Variants in THEMIS observed in about 807,000 individuals in gnomAD.
THEMIS encodes thymocyte selection associated.
In THEMIS, 37 loss-of-function variants were observed where a neutral mutation model predicts 52.6. The ratio of observed to expected loss-of-function variants is 0.70; its 90% confidence interval spans 0.54 to 0.93. The LOEUF is 0.93. Among genes scored for constraint, THEMIS ranks in the 40% least tolerant of loss-of-function variants. The pLI is 0.00. For synonymous variants in THEMIS, 292 were observed against 272.7 expected (o/e 1.07, Z -0.70); for missense variants, 808 against 763.1 (o/e 1.06, Z -0.69).
chr6:127,883,440 G>A (rs1002051657), intron 1 of THEMIS, among the ~76,000 whole-genome samples: 1 of 151,134 alleles, frequency 6.6e-6, no homozygotes, highest in African/African-American at 2.4e-5. Context: ...ATATATATGT[G>A]TATATATATA....
chr6:127,722,229 C>T (rs916160243), intron 4 of THEMIS, among the ~76,000 whole-genome samples: 6 of 151,954 alleles, frequency 3.9e-5, no homozygotes, highest in Non-Finnish European at 8.8e-5. Flanking sequence ...TTTTACATTA[C>T]ATATTATAGC....
intron 4 of THEMIS, among the ~76,000 whole-genome samples, chr6:127,734,427 A>G (rs1774915081): frequency 6.6e-6 from 1 of 152,206 alleles, no homozygotes; most frequent in Non-Finnish European, 1.5e-5. Context: ...GTCCTGAGTT[A>G]ACGGTTGATG....
intron 4 of THEMIS, 117 bp from the exon 5 acceptor site, chr6:127,719,940 T>C (rs750327384): frequency 4.7e-5 from 62 of 1,330,956 alleles, no homozygotes; most frequent in Non-Finnish European, 5.8e-5. Flanking sequence ...ACATTTGACA[T>C]GTCAAAGCAA....
intron 2 of THEMIS, among the ~76,000 whole-genome samples, chr6:127,853,471 C>A (rs1237808804): frequency 6.6e-6 from 1 of 151,506 alleles, no homozygotes; most frequent in Non-Finnish European, 1.5e-5. Flanking sequence ...TTCTAATGTG[C>A]AGCCAAATTT....
At chr6:127,865,761 T>C (rs1779953384) in intron 1 of THEMIS, among the ~76,000 whole-genome samples, 1 of 152,184 alleles carries the variant, frequency 6.6e-6, no homozygotes, top group African/African-American at 2.4e-5. Flanking sequence ...GGTTTAACTA[T>C]ACTGTAATTC....
chr6:127,777,307 T>C (rs1047048294), intron 4 of THEMIS, among the ~76,000 whole-genome samples: 1 of 152,202 alleles, frequency 6.6e-6, no homozygotes, highest in African/African-American at 2.4e-5. Flanking sequence ...TGTTACCTCA[T>C]TTATCTACTT....
chr6:127,869,713 C>T (rs1159161788), intron 1 of THEMIS, among the ~76,000 whole-genome samples: 1 of 152,088 alleles, frequency 6.6e-6, no homozygotes, highest in Non-Finnish European at 1.5e-5. Context: ...AGCTGACAAC[C>T]TGGAAATGCC....
chr6:127,753,327 C>G (rs1032809252), intron 4 of THEMIS, among the ~76,000 whole-genome samples: 24 of 151,880 alleles, frequency 1.6e-4, no homozygotes, highest in African/African-American at 5.6e-4. Context: ...GATACAAAAT[C>G]AATATACAAA....
At chr6:127,788,339 G>A (rs954922205) in intron 4 of THEMIS, among the ~76,000 whole-genome samples, 14 of 151,972 alleles carry the variant, frequency 9.2e-5, no homozygotes, top group Non-Finnish European at 1.8e-4. Context: ...TCAAATCCAG[G>A]GATTGACACC....
chr6:127,806,956 C>T (rs990503891), intron 4 of THEMIS, among the ~76,000 whole-genome samples: 4 of 152,206 alleles, frequency 2.6e-5, no homozygotes, highest in African/African-American at 4.8e-5. Context: ...CTTTAGTTGT[C>T]TGTTTATAGC....
intron 1 of THEMIS, among the ~76,000 whole-genome samples, chr6:127,871,184 A>T (rs1448991579): frequency 6.6e-6 from 1 of 152,120 alleles, no homozygotes; most frequent in African/African-American, 2.4e-5. Context: ...ATACCAAGAA[A>T]TTCCCCAAAC....
At chr6:127,862,450 T>TTTTTTTTTTTTTTTTTTTTGGG in intron 1 of THEMIS, among the ~76,000 whole-genome samples, 1 of 132,528 alleles carries the variant, frequency 7.5e-6, no homozygotes, top group Admixed American at 8.1e-5. Context: ...TTTTTTTTTT[T>TTTTTTTTTTTTTTTTTTTTGGG]GCTCTGTTGC....
intron 3 of THEMIS, among the ~76,000 whole-genome samples, chr6:127,823,128 T>G (rs866214758): frequency 2.0e-5 from 3 of 152,126 alleles, no homozygotes; most frequent in African/African-American, 7.2e-5. Context: ...AAAATAAATA[T>G]ATACATAATA....
intron 1 of THEMIS, among the ~76,000 whole-genome samples, chr6:127,898,709 A>C (rs12190011): frequency 6.6e-6 from 1 of 151,938 alleles, no homozygotes; most frequent in Non-Finnish European, 1.5e-5. Flanking sequence ...ATGTTTTTAC[A>C]ATAGCCAAAA....
Position 127,900,968 on chromosome 6 carries a change from A to T in THEMIS, c.-36T>A. ...TGGGTAGTTTGTAGACCTGGTGCTC[A>T]CAGAAACTTGTGGCTTCTGGGTGAC... On this transcript the variant is annotated 5_prime_UTR_variant, in exon 1 of 6. The change abolishes the stop of an existing upstream ORF in the 5' untranslated region. Transcript: ENST00000368248. The T allele has an allele frequency of 1.9e-6, 3 of 1,558,934 alleles. No individual in the cohort carries two copies. Among genetic ancestry groups the T allele is most frequent in the Non-Finnish European group, 2.7e-6 (3 of 1,130,594 alleles).
chr6:127,805,216 T>C (rs1777661092), intron 4 of THEMIS, among the ~76,000 whole-genome samples: 1 of 152,076 alleles, frequency 6.6e-6, no homozygotes, highest in African/African-American at 2.4e-5. Flanking sequence ...AGGAGACCAA[T>C]GGTAAATATC....
At chr6:127,904,961 TC>T (rs1781232387), upstream of THEMIS, among the ~76,000 whole-genome samples, 2 of 152,068 alleles carry the variant, frequency 1.3e-5, no homozygotes, top group Admixed American at 1.3e-4. Context: ...TCTCACTCTC[TC>T]TCTCTCTATC....
chr6:127,910,103 T>C (rs1384277267), intron 1 of THEMIS: 1 of 152,206 alleles, frequency 6.6e-6, no homozygotes, highest in Non-Finnish European at 1.5e-5. Context: ...ATTCACTTTA[T>C]AGAAAAATAA....
At chr6:127,908,940 C>T (rs113592189) in intron 1 of THEMIS, among the ~76,000 whole-genome samples, 1 of 151,880 alleles carries the variant, frequency 6.6e-6, no homozygotes, top group Non-Finnish European at 1.5e-5. Flanking sequence ...GAGCTTAAAA[C>T]ATTTAAAATA....
Sources: allele counts gnomAD v4.1 joint callset (sites outside exome capture counted in the v4.1 genomes callset), GRCh38; gene constraint gnomAD v4.1.1; transcripts MANE v1.5; gene names NCBI Gene and HGNC (gene_info 2026-07-23, HGNC 2026-07-21).